Variants in TMEM242 observed in about 807,000 individuals in gnomAD.
TMEM242 encodes the protein transmembrane protein 242.
A neutral mutation model predicts 18.2 loss-of-function variants in TMEM242; 10 were observed. The observed-to-expected ratio is 0.55, with a 90% CI of 0.34 to 0.93. The LOEUF (loss-of-function observed/expected upper bound fraction) is 0.93, where lower values mean the gene tolerates loss of function less well. Ranked by LOEUF, TMEM242 falls within the 40% of genes least tolerant of loss-of-function variation. The probability of loss-of-function intolerance (pLI) is 0.02; values close to 1 mark genes in which losing one functional copy is unlikely to be tolerated. For missense variants in TMEM242, 186 were observed against 175.5 expected (o/e 1.06, Z -0.34); for synonymous variants, 57 against 69.9 (o/e 0.81, Z 0.92).
At chr6:157,313,682 C>A (rs1456855722) in intron 3 of TMEM242, among the ~76,000 whole-genome samples, 4,722 of 101,184 alleles carry the variant, frequency 0.047, no homozygotes, top group Middle Eastern at 0.069. Context: ...TCATAGTGTC[C>A]CAATGTGCGC....
chr6:157,320,212 C>T (rs1439203265), intron 2 of TMEM242, among the ~76,000 whole-genome samples: 1 of 152,124 alleles, frequency 6.6e-6, no homozygotes, highest in African/African-American at 2.4e-5. Flanking sequence ...GAGACAGAAC[C>T]ATCTAAAACA....
chr6:157,294,387 G>A (rs1319460269), intron 3 of TMEM242, among the ~76,000 whole-genome samples: 4 of 120,614 alleles, frequency 3.3e-5, no homozygotes, highest in Non-Finnish European at 6.4e-5. Context: ...GTCTGGCTCT[G>A]TCGCCCAGGC....
intron 1 of TMEM242, 111 bp downstream of exon 1, chr6:157,323,301 C>T: frequency 1.6e-6 from 2 of 1,231,286 alleles, no homozygotes; most frequent in Non-Finnish European, 2.3e-6. Context: ...GGGGCAAGCA[C>T]AAGCTAAGGG....
At chr6:157,300,475 C>T (rs1354105178) in intron 3 of TMEM242, among the ~76,000 whole-genome samples, 1 of 152,266 alleles carries the variant, frequency 6.6e-6, no homozygotes, top group Non-Finnish European at 1.5e-5. Flanking sequence ...AAAAATGCTT[C>T]TATTAACTAC....
rs141902171 is a variant in TMEM242 at position 157,296,309 on chromosome 6, T to C, written c.328-3310A>G. Reference sequence around the variant, plus strand: ...TCTTCTTTCCTCTGACCAGGGAAAATTTTCCTATACTATGGATAACAGGGT... The same window carrying C: ...TCTTCTTTCCTCTGACCAGGGAAAACTTTCCTATACTATGGATAACAGGGT... On this transcript the variant is annotated intron_variant, in intron 3 of 3. Transcript: ENST00000400788. Among the ~76,000 whole-genome samples, 9 of 152,156 alleles carry C rather than the reference T, an allele frequency of 5.9e-5. No individual in the cohort carries two copies. The East Asian group carries it at 1.7e-3, about 29-fold the overall frequency.
rs1554246710 is a variant in TMEM242, at chr6:157,289,505, C to A, written c.*3396G>T. The A allele has an allele frequency of 6.6e-6, 1 of 151,996 alleles. No individual in the cohort carries two copies. The highest frequency in any genetic ancestry group is 2.4e-5 in the African/African-American group (1 of 41,344). The allele number at this position is 151,996 out of a possible 1,614,324, so 9.4% of individuals were successfully genotyped here. A position where few individuals can be genotyped will look rare whatever the true frequency, so the allele number is the denominator to read the frequency against. ...GGAAATTTAACTATTTGATGAAATG[C>A]CTTTGTATGTTACCTGATTTTCATT... On this transcript the variant is annotated 3_prime_UTR_variant, in exon 4 of 4. Transcript: ENST00000400788.
chr6:157,306,726 T>C (rs1436911580), intron 3 of TMEM242, among the ~76,000 whole-genome samples: 2 of 152,156 alleles, frequency 1.3e-5, no homozygotes, highest in African/African-American at 4.8e-5. Flanking sequence ...ATTTCACAAG[T>C]AAGTGGGACA....
Position 157,322,913 on chromosome 6 carries a change from A to G in TMEM242, c.89-108T>C, listed in dbSNP as rs1012270122. On this transcript the variant is annotated intron_variant, in intron 1 of 3. Coordinates refer to ENST00000400788, the MANE Select transcript of TMEM242 (RefSeq NM_018452.6). ...AAGATACTATTCGAGTTACAATCAA[A>G]ATCACTTTTGAAATTCAAGAAACCA... is the stretch of plus-strand genomic sequence containing the variant. The G allele has an allele frequency of 6.0e-5, 57 of 943,732 alleles. No homozygotes were observed. In the Admixed American group the frequency reaches 1.4e-3, roughly 23 times the overall value. The allele number at this position is 943,732 out of a possible 1,614,324, so 58.5% of individuals were successfully genotyped here. A position where few individuals can be genotyped will look rare whatever the true frequency, so the allele number is the denominator to read the frequency against.
chr6:157,312,706 G>A (rs797043265), intron 3 of TMEM242, among the ~76,000 whole-genome samples: 2,633 of 37,550 alleles, frequency 0.07, 4 homozygotes, highest in South Asian at 0.1. Context: ...CCCAGTGTGC[G>A]CTCACCTGGC....
At chr6:157,309,755 A>G (rs782502449) in intron 3 of TMEM242, among the ~76,000 whole-genome samples, 10 of 146,870 alleles carry the variant, frequency 6.8e-5, no homozygotes, top group Admixed American at 3.4e-4. Context: ...TCATTTATAC[A>G]TTAATTTAAA....
chr6:157,317,802 T>G (rs1778417252), intron 3 of TMEM242, among the ~76,000 whole-genome samples: 1 of 152,188 alleles, frequency 6.6e-6, no homozygotes, highest in Admixed American at 6.5e-5. Context: ...ACATCCAACT[T>G]CACTCTTTCT....
chr6:157,298,080 A>G (rs2128412971), intron 3 of TMEM242, among the ~76,000 whole-genome samples: 1 of 152,212 alleles, frequency 6.6e-6, no homozygotes, highest in South Asian at 2.1e-4. Flanking sequence ...GTAATTAACA[A>G]TCAGGCACAA....
At chr6:157,312,573 C>G (rs797027742) in intron 3 of TMEM242, among the ~76,000 whole-genome samples, 1 of 63,918 alleles carries the variant, frequency 1.6e-5, no homozygotes, top group Non-Finnish European at 3.2e-5. Flanking sequence ...AGTGTACGCT[C>G]ACCCGGCCTC....
rs1175455310 is a variant in TMEM242 at position 157,290,288 on chromosome 6, T to C, written c.*2613A>G. On this transcript the variant is annotated 3_prime_UTR_variant, in exon 4 of 4. Transcript: ENST00000400788. ...AAATGGAAATGGCCTGCGTTATCCA[T>C]CCTTTAAAGCATTTCTAGTGCTCAG... 6.6e-6 allele frequency: 1 copy of C among 152,228 alleles called. No homozygotes were observed. Among genetic ancestry groups the C allele is most frequent in the African/African-American group, 2.4e-5 (1 of 41,450 alleles). 9.4% of individuals were successfully genotyped at this position (152,228 alleles called of 1,614,324 possible).
At chr6:157,312,900 C>A (rs1554249500) in intron 3 of TMEM242, among the ~76,000 whole-genome samples, 3 of 151,952 alleles carry the variant, frequency 2.0e-5, no homozygotes, top group South Asian at 2.1e-4. Flanking sequence ...ATCATAGTGT[C>A]CCACTGTGCG....
intron 3 of TMEM242, among the ~76,000 whole-genome samples, chr6:157,318,021 T>C (rs983864717): frequency 6.6e-6 from 1 of 152,208 alleles, no homozygotes; most frequent in African/African-American, 2.4e-5. Context: ...TAGCTTGAAG[T>C]ATAAATTTTA....
At chr6:157,310,252 C>G (rs1026399117) in intron 3 of TMEM242, among the ~76,000 whole-genome samples, 8 of 152,154 alleles carry the variant, frequency 5.3e-5, no homozygotes, top group African/African-American at 1.9e-4. Context: ...GCTTCTTTTT[C>G]TTCTTTGATA....
intron 3 of TMEM242, among the ~76,000 whole-genome samples, chr6:157,312,911 C>G (rs202138759): frequency 0.17 from 20,178 of 116,304 alleles, 800 homozygotes; most frequent in East Asian, 0.32. Context: ...CCACTGTGCG[C>G]TCACCCGGCA....
chr6:157,301,926 C>T (rs890035963), intron 3 of TMEM242, among the ~76,000 whole-genome samples: 9 of 151,780 alleles, frequency 5.9e-5, no homozygotes, highest in Non-Finnish European at 1.0e-4. Flanking sequence ...AGCAAGACTC[C>T]GTCTCAACAA....
Sources: allele counts gnomAD v4.1 joint callset (sites outside exome capture counted in the v4.1 genomes callset), GRCh38; gene constraint gnomAD v4.1.1; transcripts MANE v1.5; gene names NCBI Gene and HGNC (gene_info 2026-07-23, HGNC 2026-07-21).